Variants in NPIPB11 observed in about 807,000 individuals in gnomAD.
The protein encoded by NPIPB11 is nuclear pore complex-interacting protein family member B11.
Under a neutral mutation model 32.8 loss-of-function variants are expected in NPIPB11, and 17 were observed. The ratio of observed to expected loss-of-function variants is 0.52; its 90% CI spans 0.35 to 0.78. The LOEUF (loss-of-function observed/expected upper bound fraction) is 0.78, where lower values mean the gene tolerates loss of function less well. Among genes scored for constraint, NPIPB11 ranks in the 30% least tolerant of loss-of-function variants. The probability of loss-of-function intolerance (pLI) is 0.01; values close to 1 mark genes in which losing one functional copy is unlikely to be tolerated. For synonymous variants in NPIPB11, 209 were observed against 398.4 expected (o/e 0.52, Z 5.66); for missense variants, 537 against 1,000.4 (o/e 0.54, Z 6.25).
chr16:29,389,671 A>AG (rs1215416750), intron 5 of NPIPB11, among the ~76,000 whole-genome samples: 9 of 54,472 alleles, frequency 1.7e-4, no homozygotes, highest in Admixed American at 1.4e-3. Flanking sequence ...ATCTCAGGAA[A>AG]AAAAAAAAAA....
At chr16:29,395,967 G>A (rs1261040677) in intron 2 of NPIPB11, among the ~76,000 whole-genome samples, 1 of 149,954 alleles carries the variant, frequency 6.7e-6, no homozygotes, top group Non-Finnish European at 1.5e-5. Flanking sequence ...GACAGAGCGA[G>A]ACTCTGTCTC....
intron 5 of NPIPB11, among the ~76,000 whole-genome samples, chr16:29,389,313 G>A (rs1963649720): frequency 7.1e-6 from 1 of 141,158 alleles, no homozygotes; most frequent in South Asian, 2.3e-4. Context: ...AGTGAGCCAA[G>A]ACTGCACCAT....
At chr16:29,389,196 A>G (rs1173338506) in intron 5 of NPIPB11, among the ~76,000 whole-genome samples, 1 of 97,466 alleles carries the variant, frequency 1.0e-5, no homozygotes, top group Non-Finnish European at 2.1e-5. Context: ...CTCTGTCTCA[A>G]AAAAAAAAAA....
upstream of NPIPB11, among the ~76,000 whole-genome samples, chr16:29,404,712 C>A (rs552545429): frequency 3.8e-4 from 58 of 151,606 alleles, no homozygotes; most frequent in East Asian, 9.5e-3. Context: ...TTTGTATTTT[C>A]CTCCTCGCAT....
At chr16:29,402,788 TA>T (rs1567276729) in intron 2 of NPIPB11, among the ~76,000 whole-genome samples, 2 of 138,598 alleles carry the variant, frequency 1.4e-5, no homozygotes, top group Admixed American at 1.5e-4. Context: ...ATCTCAAAAA[TA>T]AAAGATCATT....
exon 3 of NPIPB11, chr16:29,394,025 T>A (rs749477532): frequency 5.6e-6 from 9 of 1,599,380 alleles, no homozygotes; most frequent in Non-Finnish European, 6.8e-6. Context: ...AACCAAGGAC[T>A]TCCACCAAAG....
At chr16:29,393,788 T>C (rs1217935368) in intron 3 of NPIPB11, among the ~76,000 whole-genome samples, 160 bp downstream of exon 3, 2 of 152,212 alleles carry the variant, frequency 1.3e-5, no homozygotes, top group Non-Finnish European at 2.9e-5. Context: ...ATAACGCAAA[T>C]GGCAGATATT....
intron 3 of NPIPB11, 67 bp downstream of exon 3, chr16:29,393,881 T>C (rs902274916): frequency 4.1e-5 from 54 of 1,325,084 alleles, no homozygotes; most frequent in Admixed American, 5.2e-5. Context: ...GAAATGTGAA[T>C]TGTTTTATAT....
At chr16:29,381,963 G>T in exon 8 of NPIPB11, 2 of 957,804 alleles carry the variant, frequency 2.1e-6, no homozygotes, top group Admixed American at 5.1e-5. Flanking sequence ...TGGAAGGGGA[G>T]TGAGCTGACG....
exon 5 of NPIPB11, chr16:29,389,999 T>C: frequency 6.3e-7 from 1 of 1,591,882 alleles, no homozygotes; most frequent in African/African-American, 1.3e-5. Flanking sequence ...ATTTTCGTTG[T>C]CACCTTCCTC....
intron 2 of NPIPB11, among the ~76,000 whole-genome samples, chr16:29,399,940 G>A (rs549432019): frequency 2.8e-4 from 42 of 151,370 alleles, no homozygotes; most frequent in Non-Finnish European, 3.7e-4. Context: ...AGCCAGGCAC[G>A]GTGGCACCCG....
At chr16:29,391,004 C>T (rs1260340875) in intron 3 of NPIPB11, among the ~76,000 whole-genome samples, 2 of 150,188 alleles carry the variant, frequency 1.3e-5, no homozygotes, top group South Asian at 2.1e-4. Flanking sequence ...TGCGGTAGCT[C>T]ATGCCTGTAA....
At chr16:29,389,218 G>A (rs959125407) in intron 5 of NPIPB11, among the ~76,000 whole-genome samples, 11 of 103,948 alleles carry the variant, frequency 1.1e-4, no homozygotes, top group South Asian at 3.2e-4. Flanking sequence ...AAAAAAAATT[G>A]GTCAAATGTG....
intron 2 of NPIPB11, among the ~76,000 whole-genome samples, chr16:29,399,950 G>C (rs4017098): frequency 6.6e-6 from 1 of 151,458 alleles, no homozygotes. Flanking sequence ...GGTGGCACCC[G>C]CCTGTAATCC....
intron 3 of NPIPB11, among the ~76,000 whole-genome samples, chr16:29,390,653 T>TACAAACAC (rs371323257): frequency 6.8e-6 from 1 of 146,796 alleles, no homozygotes; most frequent in Non-Finnish European, 1.5e-5. Flanking sequence ...CTCTGTCACA[T>TACAAACAC]ACACACACAC....
intron 2 of NPIPB11, among the ~76,000 whole-genome samples, chr16:29,402,698 G>GTCTCTCTCTC (rs762980727): frequency 5.8e-4 from 69 of 118,872 alleles, no homozygotes; most frequent in East Asian, 1.5e-3. Flanking sequence ...GTGAAACTCT[G>GTCTCTCTCTC]TCTCTCTCTC....
At chr16:29,405,364 A>G (rs1964090972), upstream of NPIPB11, among the ~76,000 whole-genome samples, 1 of 152,088 alleles carries the variant, frequency 6.6e-6, no homozygotes. Context: ...CGTGCCAGCC[A>G]TGATTCATGG....
At chr16:29,401,743 GA>G (rs1259911598) in intron 2 of NPIPB11, among the ~76,000 whole-genome samples, 1 of 152,180 alleles carries the variant, frequency 6.6e-6, no homozygotes, top group Non-Finnish European at 1.5e-5. Flanking sequence ...GAGCCATTGA[GA>G]CTGGCCACCC....
chr16:29,399,658 A>T (rs1688157579), intron 2 of NPIPB11, among the ~76,000 whole-genome samples: 1 of 152,052 alleles, frequency 6.6e-6, no homozygotes, highest in Non-Finnish European at 1.5e-5. Flanking sequence ...AGATTGCACC[A>T]CTGCACTCCA....
Sources: gnomAD v4.1 joint callset for allele counts (sites outside exome capture counted in the v4.1 genomes callset) on GRCh38, gnomAD v4.1.1 for gene constraint, MANE v1.5 for transcripts, NCBI Gene and HGNC (gene_info 2026-07-23, HGNC 2026-07-21) for gene names.